The following B4GALNT4 variants were observed in gnomAD, a reference collection of about 807,000 sequenced individuals.
The protein encoded by B4GALNT4 is beta-1,4-N-acetyl-galactosaminyltransferase 4.
A neutral mutation model predicts 110.0 loss-of-function variants in B4GALNT4; 77 were observed. That is an observed-to-expected ratio of 0.70 (90% CI 0.58 to 0.85). B4GALNT4 has a LOEUF of 0.85. Among genes scored for constraint, B4GALNT4 ranks in the 40% least tolerant of loss-of-function variants. The pLI is 0.00. For missense variants in B4GALNT4, 1,575 were observed against 1,506.0 expected (o/e 1.05, Z -0.76); for synonymous variants, 785 against 655.5 (o/e 1.20, Z -3.02).
Position 377,029 on chromosome 11 carries a change from G to A in B4GALNT4, c.1906G>A (p.Gly636Arg), listed in dbSNP as rs1400474860. The change falls in exon 14 of 20, where the codon GGG becomes AGG. Residue 636 changes from glycine (G) to arginine (R), a missense_variant. By Grantham distance (125) the Gly-to-Arg change is moderately radical. Transcript: ENST00000329962. ...TSFLSLSQVS[G>R]PQLPGEGEEE... The stretch of plus-strand genomic sequence containing the variant: ...CTTCCTGAGCTTGTCCCAGGTGTCC[G>A]GGCCGCAGCTGCCCGGGGAGGGCGA... 4.9e-6 allele frequency: 7 copies of A among 1,439,330 alleles called. No homozygotes were observed. Among genetic ancestry groups the A allele is most frequent in the Non-Finnish European group, 5.5e-6 (6 of 1,098,804 alleles). The allele number at this position is 1,439,330 out of a possible 1,614,324, so 89.2% of individuals were successfully genotyped here. A position where few individuals can be genotyped will look rare whatever the true frequency, so the allele number is the denominator to read the frequency against.
rs1846743980 is a variant in B4GALNT4, at chr11:376,124, G to C, written c.1146G>C (p.Met382Ile). Reference protein sequence around the residue: ...YPNDYTRLTHMETDNKCFYRE... With the variant: ...YPNDYTRLTHIETDNKCFYRE... ...ACGACTACACTCGCCTCACCCACAT[G>C]GAGACGGACAACAAGTGCTTCTACC... The change falls in exon 12 of 20, where the codon ATG (methionine) becomes ATC (isoleucine). Residue 382 changes from methionine (M) to isoleucine (I), a missense_variant. Met to Ile is a conservative substitution (Grantham distance 10). Transcript: ENST00000329962. 4.3e-6 allele frequency: 7 copies of C among 1,610,466 alleles called. No homozygotes were observed. The highest frequency in any genetic ancestry group is 5.9e-6 in the Non-Finnish European group (7 of 1,179,026).
Position 369,899 on chromosome 11 carries a change from C to G in B4GALNT4, c.96C>G (p.His32Gln). Residue 32 changes from histidine (H) to glutamine (Q), a missense_variant, in exon 1 of 20, where the codon CAC (histidine) becomes CAG (glutamine). By Grantham distance (24) the His-to-Gln change is conservative. Transcript: ENST00000329962. ...LSCAAWLTYVHLGLVRQGRAL... is the reference protein window; with the variant it reads ...LSCAAWLTYVQLGLVRQGRAL... Reference sequence around the variant, plus strand: ...GCGCCGCGTGGCTCACCTACGTGCACCTGGGCCTGGTGCGCCAGGGACGCG... The same window carrying G: ...GCGCCGCGTGGCTCACCTACGTGCAGCTGGGCCTGGTGCGCCAGGGACGCG... The G allele has an allele frequency of 1.0e-6, 1 of 987,422 alleles. No homozygotes were observed. Among genetic ancestry groups the G allele is most frequent in the Non-Finnish European group, 1.2e-6 (1 of 832,518 alleles). 61.2% of individuals were successfully genotyped at this position (987,422 alleles called of 1,614,324 possible).
In B4GALNT4 at chr11:375,563, C is replaced by T. The variant is rs758432551; in HGVS notation, c.850+36C>T. 1.1e-5 allele frequency: 17 copies of T among 1,606,146 alleles called. No individual in the cohort carries two copies. In the African/African-American group the frequency reaches 1.9e-4, roughly 18 times the overall value. ...ACGCCTCTGGGGATGTGGGGCTCCT[C>T]GGGATGGGCTCTGGGTGTGAGTGGG... On this transcript the variant is annotated intron_variant, in intron 9 of 19. Coordinates refer to ENST00000329962, the MANE Select transcript of B4GALNT4 (RefSeq NM_178537.5).
Position 376,956 on chromosome 11 carries a change from G to A in B4GALNT4, c.1833G>A (p.Ala611=). 2.8e-6 allele frequency: 4 copies of A among 1,448,364 alleles called. No individual in the cohort carries two copies. The highest frequency in any genetic ancestry group is 1.4e-5 in the South Asian group (1 of 69,326). 89.7% of individuals were successfully genotyped at this position (1,448,364 alleles called of 1,614,324 possible). A position where few individuals can be genotyped will look rare whatever the true frequency, so the allele number is the denominator to read the frequency against. Residue 611 remains alanine, a synonymous_variant, in exon 14 of 20, where the codon GCG becomes GCA. Transcript: ENST00000329962. ...EGQARTLGPA[A]PTVDSNLSSE... Reference sequence around the variant, plus strand: ...AGGCGCGCACGCTGGGACCTGCGGCGCCCACAGTGGACTCAAACTTGTCCT... The same window carrying A: ...AGGCGCGCACGCTGGGACCTGCGGCACCCACAGTGGACTCAAACTTGTCCT...
At chr11:373,942 A>G (rs1846672538) in intron 8 of B4GALNT4, 114 bp downstream of exon 8, 1 of 1,096,134 alleles carries the variant, frequency 9.1e-7, no homozygotes, top group Non-Finnish European at 1.3e-6. Flanking sequence ...GGTCAGGGCC[A>G]TGGGCCTGAG....
Position 376,569 on chromosome 11 carries a change from C to A in B4GALNT4, c.1446C>A (p.Pro482=). ...ATLAPPTPPR[P]RDGGTPRHSR... is the part of the protein sequence containing the mutation. ...TCGCCCCGCCGACCCCTCCCCGCCCCCGGGACGGGGGGACCCCCAGGCACT... is the reference window on the plus strand; with the variant it reads ...TCGCCCCGCCGACCCCTCCCCGCCCACGGGACGGGGGGACCCCCAGGCACT... The change falls in exon 14 of 20, where the codon CCC becomes CCA. Residue 482 remains proline (P), a synonymous_variant. Coordinates refer to ENST00000329962, the MANE Select transcript of B4GALNT4 (RefSeq NM_178537.5). The A allele has an allele frequency of 7.4e-7, 1 of 1,356,232 alleles. No individual in the cohort carries two copies. The highest frequency in any genetic ancestry group is 9.4e-7 in the Non-Finnish European group (1 of 1,063,404). 84.0% of individuals were successfully genotyped at this position (1,356,232 alleles called of 1,614,324 possible). A position where few individuals can be genotyped will look rare whatever the true frequency, so the allele number is the denominator to read the frequency against.
chr11:372,852 T>C lies in B4GALNT4; in HGVS notation c.349T>C (p.Tyr117His), dbSNP rs1168572744. The change falls in exon 4 of 20, where the codon TAC becomes CAC. Residue 117 changes from tyrosine (Y) to histidine (H), a missense_variant and splice_region_variant. Coordinates refer to ENST00000329962, the MANE Select transcript of B4GALNT4 (RefSeq NM_178537.5). The stretch of plus-strand genomic sequence containing the variant: ...GAAGGTAAGGCCCCCCCATCCCCAG[T>C]ACAAGGGGCAGGTGAACCTGCACGT... ...THQTPPWREE[Y>H]KGQVNLHVFE... 3 of 1,610,230 alleles carry C rather than the reference T, an allele frequency of 1.9e-6. No homozygotes were observed. Among genetic ancestry groups the C allele is most frequent in the Non-Finnish European group, 2.5e-6 (3 of 1,179,256 alleles).
chr11:371,991 C>T lies in B4GALNT4; in HGVS notation c.152-118C>T. On this transcript the variant is annotated intron_variant, in intron 1 of 19. Transcript: ENST00000329962. ...AAGGAGAGGCTTTAGTGAGAGACAC[C>T]ACAGCCTGCCTGCCCTGCTCTGGCC... 9 of 744,954 alleles carry T rather than the reference C, an allele frequency of 1.2e-5. No homozygotes were observed. The South Asian group carries it at 1.5e-4, about 12-fold the overall frequency. The allele number at this position is 744,954 out of a possible 1,614,324, so 46.1% of individuals were successfully genotyped here.
intron 19 of B4GALNT4, chr11:381,193 T>A: frequency 1.0e-6 from 1 of 963,374 alleles, no homozygotes; most frequent in Non-Finnish European, 1.2e-6. Flanking sequence ...CTGCCCCCGA[T>A]CCCATAGGCC....
intron 14 of B4GALNT4, among the ~76,000 whole-genome samples, chr11:377,774 G>A (rs1055603280): frequency 2.0e-5 from 3 of 152,240 alleles, no homozygotes; most frequent in African/African-American, 4.8e-5. Flanking sequence ...GCCCCTGGGC[G>A]TTCCCAGACT....
At chr11:373,415 C>A (rs773268181) in intron 6 of B4GALNT4, 34 bp from the exon 7 acceptor site, 11 of 1,154,182 alleles carry the variant, frequency 9.5e-6, no homozygotes, top group Admixed American at 1.8e-5. Flanking sequence ...TGAACCCCCC[C>A]CCCCACCACC....
At position 382,033 on chromosome 11, in the gene B4GALNT4, G is replaced by A. The variant is rs936519545; in HGVS notation, c.*241G>A. 7.4e-6 allele frequency: 3 copies of A among 405,836 alleles called. No individual in the cohort carries two copies. The highest frequency in any genetic ancestry group is 1.3e-5 in the Non-Finnish European group (3 of 229,184). 25.1% of individuals were successfully genotyped at this position (405,836 alleles called of 1,614,324 possible). A position where few individuals can be genotyped will look rare whatever the true frequency, so the allele number is the denominator to read the frequency against. On this transcript the variant is annotated 3_prime_UTR_variant, in exon 20 of 20. Transcript: ENST00000329962. ...GATTTCTGTGAAATTTTGCTGTAGC[G>A]ATGACATTGTTTTCAGAATTTCCAA...
At chr11:370,884 G>A (rs543181753) in intron 1 of B4GALNT4, among the ~76,000 whole-genome samples, 2 of 152,174 alleles carry the variant, frequency 1.3e-5, no homozygotes, top group East Asian at 1.9e-4. Context: ...GTACCGGGAC[G>A]CCTGGACCCA....
Position 375,862 on chromosome 11 carries a change from C to T in B4GALNT4, c.1001C>T (p.Ser334Phe). Residue 334 changes from serine (S) to phenylalanine (F), a missense_variant, in exon 11 of 20, where the codon TCT becomes TTT. By Grantham distance (155) the Ser-to-Phe change is radical. Transcript: ENST00000329962. ...DTFFLTPRME[S>F]SSLENVLEPC... ...CCTCCTGCAGCTCCACGCATGGAATCTTCGAGCCTGGAGAACGTGCTGGAG... is the reference window on the plus strand; with the variant it reads ...CCTCCTGCAGCTCCACGCATGGAATTTTCGAGCCTGGAGAACGTGCTGGAG... 2 of 1,610,678 alleles carry T rather than the reference C, an allele frequency of 1.2e-6. No homozygotes were observed. Among genetic ancestry groups the T allele is most frequent in the Non-Finnish European group, 8.5e-7 (1 of 1,179,260 alleles).
In B4GALNT4 at chr11:376,823, C is replaced by T. The variant is rs1295957992; in HGVS notation, c.1700C>T (p.Ala567Val). The stretch of plus-strand genomic sequence containing the variant: ...CCTCTGCCCAGAGTGCAGCTGCGGG[C>T]GCCCCCACGCCCACCCCGGCCCCAC... ...PRPLPRVQLR[A>V]PPRPPRPHGR... The change falls in exon 14 of 20, where the codon GCG becomes GTG. Residue 567 changes from alanine to valine, a missense_variant. Coordinates refer to ENST00000329962, the MANE Select transcript of B4GALNT4 (RefSeq NM_178537.5). 4.5e-6 allele frequency: 6 copies of T among 1,343,072 alleles called. No homozygotes were observed. Among genetic ancestry groups the T allele is most frequent in the African/African-American group, 1.6e-5 (1 of 64,350 alleles). 83.2% of individuals were successfully genotyped at this position (1,343,072 alleles called of 1,614,324 possible).
Position 372,728 on chromosome 11 carries a change from C to T in B4GALNT4, c.322C>T (p.His108Tyr). Reference sequence around the variant, plus strand: ...TGGGAGGCTGCCACTGAACTTCACCCATCAGACACCCCCATGGCGGGAGGA... The same window carrying T: ...TGGGAGGCTGCCACTGAACTTCACCTATCAGACACCCCCATGGCGGGAGGA... Reference protein sequence around the residue: ...GAGRLPLNFTHQTPPWREEYK... With the variant: ...GAGRLPLNFTYQTPPWREEYK... Residue 108 changes from histidine to tyrosine, a missense_variant, in exon 3 of 20, where the codon CAT becomes TAT. By Grantham distance (83) the His-to-Tyr change is moderately conservative. Transcript: ENST00000329962. 3 of 1,609,080 alleles carry T rather than the reference C, an allele frequency of 1.9e-6. No homozygotes were observed. Among genetic ancestry groups the T allele is most frequent in the Middle Eastern group, 1.7e-4 (1 of 6,024 alleles).
intron 8 of B4GALNT4, 86 bp from the exon 9 acceptor site, chr11:375,375 C>T (rs1165258014): frequency 1.4e-6 from 2 of 1,382,350 alleles, no homozygotes; most frequent in African/African-American, 1.4e-5. Flanking sequence ...TCCTATTAGT[C>T]CCCCGGCCCT....
Position 372,224 on chromosome 11 carries a change from C to G in B4GALNT4, c.255+12C>G, listed in dbSNP as rs1846629935. The G allele has an allele frequency of 1.3e-6, 2 of 1,548,988 alleles. No homozygotes were observed. The highest frequency in any genetic ancestry group is 1.7e-6 in the Non-Finnish European group (2 of 1,145,938). On this transcript the variant is annotated intron_variant, in intron 2 of 19. Transcript: ENST00000329962. ...AAGAGGAGCAAGCGGTGAGCAGAGCCCTGGGGAGAACACGTGTGCACGGAG... is the reference window on the plus strand; with the variant it reads ...AAGAGGAGCAAGCGGTGAGCAGAGCGCTGGGGAGAACACGTGTGCACGGAG...
chr11:373,694 C>T, intron 7 of B4GALNT4, 56 bp from the exon 8 acceptor site: 1 of 1,582,256 alleles, frequency 6.3e-7, no homozygotes, highest in South Asian at 1.1e-5. Flanking sequence ...CCCTTCCCTG[C>T]CTCCACTATT....
Sources: allele counts gnomAD v4.1 joint callset (sites outside exome capture counted in the v4.1 genomes callset), GRCh38; gene constraint gnomAD v4.1.1; transcripts MANE v1.5; gene names NCBI Gene and HGNC (gene_info 2026-07-23, HGNC 2026-07-21).